Variants in BCO1 observed in about 807,000 individuals in gnomAD.
BCO1 encodes beta-carotene oxygenase 1.
BCO1 carries 54 observed loss-of-function variants against 56.3 expected under a neutral mutation model. The observed-to-expected ratio is 0.96, with a 90% CI of 0.77 to 1.20. The LOEUF is 1.20. BCO1 is among the 50% of genes most tolerant of loss of function. BCO1 has a pLI of 0.00. For missense variants in BCO1, 801 were observed against 690.9 expected, an observed-to-expected ratio of 1.16 and a Z score of -1.79; for synonymous variants, 318 against 266.1, an observed-to-expected ratio of 1.20 and a Z score of -1.90.
At chr16:81,276,593 C>T (rs1003527686) in intron 7 of BCO1, among the ~76,000 whole-genome samples, 3 of 152,194 alleles carry the variant, frequency 2.0e-5, no homozygotes, top group African/African-American at 7.2e-5. Flanking sequence ...CAGCTCAGAA[C>T]TCTAAGGAGT....
chr16:81,255,638 C>G (rs969875605), intron 2 of BCO1, among the ~76,000 whole-genome samples: 3 of 151,426 alleles, frequency 2.0e-5, no homozygotes, highest in South Asian at 2.1e-4. Flanking sequence ...TAGCTGGTAG[C>G]TGGGACTACA....
chr16:81,287,460 C>G (rs1307809104), intron 10 of BCO1, 54 bp downstream of exon 10: 21 of 1,397,552 alleles, frequency 1.5e-5, no homozygotes, highest in African/African-American at 2.8e-5. Context: ...AGATCGCCCT[C>G]CAACAGAGAC....
intron 7 of BCO1, among the ~76,000 whole-genome samples, chr16:81,273,693 A>C (rs1907381011): frequency 6.6e-6 from 1 of 151,668 alleles, no homozygotes; most frequent in Non-Finnish European, 1.5e-5. Flanking sequence ...ATTTGAAAGG[A>C]AACACATCAC....
chr16:81,273,709 A>C (rs1443713367), intron 7 of BCO1, among the ~76,000 whole-genome samples: 2 of 151,268 alleles, frequency 1.3e-5, no homozygotes, highest in Non-Finnish European at 2.9e-5. Context: ...ATCACTACCC[A>C]GTAGAAAGCT....
chr16:81,257,026 T>A (rs9936725), intron 2 of BCO1, among the ~76,000 whole-genome samples: 45,124 of 152,086 alleles, frequency 0.3, 8,065 homozygotes, highest in African/African-American at 0.49. Context: ...GCAAGAAGGG[T>A]TCTGCATTTT....
At chr16:81,265,634 T>C (rs111067784) in intron 5 of BCO1, among the ~76,000 whole-genome samples, 304 of 132,724 alleles carry the variant, frequency 2.3e-3, no homozygotes, top group African/African-American at 8.5e-3. Context: ...CCACCATCCA[T>C]CCATTCATCC....
chr16:81,242,690 G>A (rs915084433), intron 1 of BCO1, among the ~76,000 whole-genome samples: 1 of 152,092 alleles, frequency 6.6e-6, no homozygotes, highest in African/African-American at 2.4e-5. Flanking sequence ...CACCATGGGT[G>A]GAGACAACCT....
intron 10 of BCO1, among the ~76,000 whole-genome samples, chr16:81,289,758 T>C (rs1378740095): frequency 6.6e-6 from 1 of 152,160 alleles, no homozygotes; most frequent in South Asian, 2.1e-4. Flanking sequence ...CTGTGGAGTG[T>C]AGGTGAGATT....
In BCO1 at chr16:81,273,966, G is replaced by A. The variant is rs367550399; in HGVS notation, c.1101+3550G>A. The stretch of plus-strand genomic sequence containing the variant: ...CTCCCCTATGTGACTCAGGGCTATT[G>A]GATGAACAGCCACGTCCCATGAAAT... On this transcript the variant is annotated intron_variant, in intron 7 of 10. Coordinates refer to ENST00000258168, the MANE Select transcript of BCO1 (RefSeq NM_017429.3). Among the ~76,000 whole-genome samples the A allele has an allele frequency of 7.8e-4, 119 of 152,330 alleles. 2 individuals are homozygous for A. The highest frequency in any genetic ancestry group is 7.5e-3 in the South Asian group (36 of 4,828).
chr16:81,283,078 G>A (rs1907973942), intron 8 of BCO1, among the ~76,000 whole-genome samples: 1 of 152,130 alleles, frequency 6.6e-6, no homozygotes, highest in African/African-American at 2.4e-5. Context: ...TCTTATCCCA[G>A]AGCCCATTGC....
intron 7 of BCO1, among the ~76,000 whole-genome samples, chr16:81,273,718 C>A (rs977380274): frequency 6.6e-6 from 1 of 151,318 alleles, no homozygotes; most frequent in Non-Finnish European, 1.5e-5. Context: ...CAGTAGAAAG[C>A]TGGCAATGCT....
intron 3 of BCO1, among the ~76,000 whole-genome samples, chr16:81,260,484 T>TCA (rs1259716955): frequency 6.6e-6 from 1 of 152,084 alleles, no homozygotes; most frequent in African/African-American, 2.4e-5. Flanking sequence ...TGTATATATT[T>TCA]TATTTCATTT....
chr16:81,268,112 C>T lies in BCO1; in HGVS notation c.824C>T (p.Ala275Val), dbSNP rs758449542. The T allele has an allele frequency of 6.2e-7, 1 of 1,609,828 alleles. No homozygotes were observed. The highest frequency in any genetic ancestry group is 8.5e-7 in the Non-Finnish European group (1 of 1,179,978). The change falls in exon 6 of 11, where the codon GCT (alanine) becomes GTT (valine). Residue 275 changes from alanine (A) to valine (V), a missense_variant. Physicochemically the swap from Ala to Val is moderately conservative, Grantham distance 64. Coordinates refer to ENST00000258168, the MANE Select transcript of BCO1 (RefSeq NM_017429.3). ...AGAATGAGCTGGGCCTCCTGCCTGG[C>T]TTTCCACAGGGAGGAGAAGGTGAGG... ...IRRMSWASCL[A>V]FHREEKTYIH...
At chr16:81,281,088 A>G in intron 8 of BCO1, 126 bp downstream of exon 8, 1 of 723,790 alleles carries the variant, frequency 1.4e-6, no homozygotes, top group Non-Finnish European at 2.4e-6. Flanking sequence ...GGGTCTTGGG[A>G]TGCCCTGGTG....
chr16:81,262,537 A>G, intron 4 of BCO1: 1 of 459,504 alleles, frequency 2.2e-6, no homozygotes, highest in Non-Finnish European at 4.0e-6. Flanking sequence ...GCTTTAAACA[A>G]CAGAAATTGG....
At chr16:81,238,997 C>T (rs373479971) in intron 1 of BCO1, 25 bp downstream of exon 1, 1 of 1,596,454 alleles carries the variant, frequency 6.3e-7, no homozygotes, top group Admixed American at 1.7e-5. Context: ...AAACACTGGG[C>T]TCTTTCTTCT....
intron 2 of BCO1, among the ~76,000 whole-genome samples, chr16:81,256,745 G>C (rs564392584): frequency 6.6e-6 from 1 of 151,994 alleles, no homozygotes; most frequent in African/African-American, 2.4e-5. Flanking sequence ...AAAATTAGTC[G>C]GACATGGTGG....
intron 3 of BCO1, among the ~76,000 whole-genome samples, chr16:81,260,224 A>C (rs74779513): frequency 6.6e-6 from 1 of 152,224 alleles, no homozygotes; most frequent in Non-Finnish European, 1.5e-5. Flanking sequence ...GTAAAACTGT[A>C]CGAGAAAATG....
At chr16:81,239,766 C>G (rs1046550276) in intron 1 of BCO1, among the ~76,000 whole-genome samples, 1 of 152,128 alleles carries the variant, frequency 6.6e-6, no homozygotes, top group Non-Finnish European at 1.5e-5. Flanking sequence ...GACCTTCTAT[C>G]CTTTAGAGGC....
Sources: allele counts gnomAD v4.1 joint callset (sites outside exome capture counted in the v4.1 genomes callset), GRCh38; gene constraint gnomAD v4.1.1; transcripts MANE v1.5; gene names NCBI Gene and HGNC (gene_info 2026-07-23, HGNC 2026-07-21).